Variants in DLC1 observed in about 807,000 individuals in gnomAD.
The protein encoded by DLC1 is DLC1 Rho GTPase activating protein.
DLC1 carries 54 observed loss-of-function variants against 140.3 expected under a neutral mutation model. The observed-to-expected ratio is 0.38, with a 90% CI of 0.31 to 0.48. DLC1 has a LOEUF of 0.48. DLC1 is among the 20% of genes least tolerant of loss of function. DLC1 has a pLI of 0.96. For synonymous variants in DLC1, 986 were observed against 728.1 expected, an observed-to-expected ratio of 1.35 and a Z score of -5.70; for missense variants, 2,536 against 1,907.0, an observed-to-expected ratio of 1.33 and a Z score of -6.14.
At chr8:13,282,152 A>G (rs147233562) in intron 5 of DLC1, among the ~76,000 whole-genome samples, 286 of 152,214 alleles carry the variant, frequency 1.9e-3, no homozygotes, top group African/African-American at 6.2e-3. Context: ...AAAATACCTC[A>G]CCAGAATTCT....
At chr8:13,580,498 CAGTT>C (rs754506948) in intron 1 of DLC1, among the ~76,000 whole-genome samples, 52 of 152,090 alleles carry the variant, frequency 3.4e-4, no homozygotes, top group Non-Finnish European at 6.3e-4. Flanking sequence ...GGGGCACAGA[CAGTT>C]AGCAGGCAAA....
intron 1 of DLC1, among the ~76,000 whole-genome samples, chr8:13,600,472 C>A (rs1235917164): frequency 3.3e-5 from 5 of 151,812 alleles, no homozygotes; most frequent in African/African-American, 1.2e-4. Context: ...TCCAAGGAAA[C>A]TTTAAAATAA....
intron 4 of DLC1, among the ~76,000 whole-genome samples, chr8:13,312,360 C>CAAAAAAAAAAAAAAAAAAAA (rs777597726): frequency 1.5e-4 from 1 of 6,642 alleles, no homozygotes. Context: ...GACTCCGTCT[C>CAAAAAAAAAAAAAAAAAAAA]AAAAAAAAAA....
chr8:13,535,260 C>A (rs1376499110), intron 1 of DLC1, among the ~76,000 whole-genome samples: 1 of 151,154 alleles, frequency 6.6e-6, no homozygotes, highest in Non-Finnish European at 1.5e-5. Context: ...AGTGTGTGTG[C>A]TATTTTTCAT....
intron 4 of DLC1, among the ~76,000 whole-genome samples, chr8:13,385,005 A>G (rs1455767175): frequency 4.7e-4 from 71 of 152,166 alleles, no homozygotes; most frequent in Non-Finnish European, 4.4e-5. Flanking sequence ...GGATTACTCA[A>G]AGAACATCTT....
intron 1 of DLC1, among the ~76,000 whole-genome samples, chr8:13,555,328 G>GC (rs1563438077): frequency 2.0e-5 from 3 of 148,186 alleles, no homozygotes; most frequent in Admixed American, 6.8e-5. Context: ...TTTCTTGTAT[G>GC]TTTTTTTTTT....
chr8:13,141,256 C>CAAAAAAAAA (rs34321250), intron 5 of DLC1, among the ~76,000 whole-genome samples: 2,433 of 63,634 alleles, frequency 0.038, 341 homozygotes, highest in Non-Finnish European at 0.044. Flanking sequence ...GAGTCTGTCT[C>CAAAAAAAAA]AAAAAAAAAA....
At chr8:13,241,557 C>A (rs949216328) in intron 5 of DLC1, among the ~76,000 whole-genome samples, 5 of 152,146 alleles carry the variant, frequency 3.3e-5, no homozygotes, top group Non-Finnish European at 7.3e-5. Context: ...GTAAGAGTCT[C>A]TGAATGTAGC....
intron 1 of DLC1, among the ~76,000 whole-genome samples, chr8:13,563,637 A>G (rs1193558485): frequency 6.6e-6 from 1 of 152,106 alleles, no homozygotes; most frequent in Non-Finnish European, 1.5e-5. Flanking sequence ...TGTCAATTTA[A>G]TCTATAGAGG....
intron 5 of DLC1, among the ~76,000 whole-genome samples, chr8:13,154,416 C>G (rs552703426): frequency 2.0e-5 from 3 of 152,230 alleles, no homozygotes; most frequent in Non-Finnish European, 4.4e-5. Flanking sequence ...GGACCCGGCG[C>G]CCCCTCCGCA....
At chr8:13,171,381 T>G (rs1825469831) in intron 5 of DLC1, among the ~76,000 whole-genome samples, 1 of 152,152 alleles carries the variant, frequency 6.6e-6, no homozygotes, top group African/African-American at 2.4e-5. Flanking sequence ...GTAGGTGCCC[T>G]ACTTCCTTTT....
chr8:13,457,920 A>G (rs1200985842), intron 2 of DLC1, among the ~76,000 whole-genome samples: 2 of 152,108 alleles, frequency 1.3e-5, no homozygotes, highest in African/African-American at 4.8e-5. Context: ...GTTATTTATC[A>G]TTGATCCAAA....
At chr8:13,293,794 A>C (rs1831848404) in intron 5 of DLC1, among the ~76,000 whole-genome samples, 1 of 152,134 alleles carries the variant, frequency 6.6e-6, no homozygotes, top group Non-Finnish European at 1.5e-5. Flanking sequence ...AACATATTAA[A>C]AGAGAAATTG....
At chr8:13,566,338 A>T (rs1804426639) in intron 1 of DLC1, among the ~76,000 whole-genome samples, 1 of 152,042 alleles carries the variant, frequency 6.6e-6, no homozygotes, top group Non-Finnish European at 1.5e-5. Context: ...TGGAAAATTA[A>T]GGTCCTCCCC....
At chr8:13,384,272 A>G (rs1836409305) in intron 4 of DLC1, among the ~76,000 whole-genome samples, 1 of 152,156 alleles carries the variant, frequency 6.6e-6, no homozygotes, top group Non-Finnish European at 1.5e-5. Context: ...GATGTATAGA[A>G]TAAGCTAGAA....
chr8:13,432,263 G>A (rs1471105489), intron 2 of DLC1, among the ~76,000 whole-genome samples: 2 of 152,102 alleles, frequency 1.3e-5, no homozygotes, highest in African/African-American at 2.4e-5. Context: ...GCATGTCCTT[G>A]ACTATGGAAA....
Position 13,100,740 on chromosome 8 carries a change from C to T in DLC1, c.1597G>A (p.Ala533Thr). ...TGGAAAGTCCATTTGCCACTGATGG[C>T]ACAAGGCTCATCCTCGTCTGAATCG... ...SDDSDEDEPC[A>T]ISGKWTFQRD... is the part of the protein sequence containing the mutation. The change falls in exon 9 of 18, where the codon GCC becomes ACC. Residue 533 changes from alanine to threonine, a missense_variant. Coordinates refer to ENST00000276297, the MANE Select transcript of DLC1 (RefSeq NM_182643.3). 3.8e-6 allele frequency: 6 copies of T among 1,592,816 alleles called. No individual in the cohort carries two copies. Among genetic ancestry groups the T allele is most frequent in the Non-Finnish European group, 5.1e-6 (6 of 1,169,972 alleles).
intron 4 of DLC1, among the ~76,000 whole-genome samples, chr8:13,319,088 T>C (rs1334419676): frequency 1.3e-5 from 2 of 152,224 alleles, no homozygotes; most frequent in African/African-American, 4.8e-5. Flanking sequence ...CTAACGGGTC[T>C]ATTTATACCT....
chr8:13,509,047 T>C (rs945425524), intron 1 of DLC1, among the ~76,000 whole-genome samples: 4 of 152,318 alleles, frequency 2.6e-5, no homozygotes, highest in Admixed American at 1.3e-4. Context: ...CTTTTTATTA[T>C]TGATGGCAAA....
Sources: gnomAD v4.1 joint callset for allele counts (sites outside exome capture counted in the v4.1 genomes callset) on GRCh38, gnomAD v4.1.1 for gene constraint, MANE v1.5 for transcripts, NCBI Gene and HGNC (gene_info 2026-07-23, HGNC 2026-07-21) for gene names.